The following SLC25A51 variants were observed in gnomAD, a reference collection of about 807,000 sequenced individuals.
SLC25A51 encodes solute carrier family 25 member 51.
In SLC25A51, 11 loss-of-function variants were observed where a neutral mutation model predicts 19.1. That is an observed-to-expected ratio of 0.58 (90% CI 0.36 to 0.96). SLC25A51 has a LOEUF of 0.96. SLC25A51 is among the 40% of genes least tolerant of loss of function. The pLI is 0.01. For missense variants in SLC25A51, 201 were observed against 365.4 expected, an observed-to-expected ratio of 0.55 and a Z score of 3.67; for synonymous variants, 105 against 133.6, an observed-to-expected ratio of 0.79 and a Z score of 1.47.
At chr9:37,885,614 C>T (rs1189136495), downstream of SLC25A51, 1 of 768,804 alleles carries the variant, frequency 1.3e-6, no homozygotes, top group Non-Finnish European at 2.3e-6. Context: ...TTTTTGGCAA[C>T]AATAATACGG....
chr9:37,884,965 A>G (rs1429353401), downstream of SLC25A51, among the ~76,000 whole-genome samples: 3 of 152,266 alleles, frequency 2.0e-5, no homozygotes, highest in African/African-American at 7.2e-5. Context: ...AAATAGAAAT[A>G]GTATAATGCC....
At chr9:37,886,092 G>A (rs1831449898), downstream of SLC25A51, 24 of 1,521,198 alleles carry the variant, frequency 1.6e-5, no homozygotes, top group South Asian at 2.5e-4. Context: ...GATGCTGGAC[G>A]CTATACTGAT....
downstream of SLC25A51, among the ~76,000 whole-genome samples, chr9:37,884,497 A>G (rs1254273295): frequency 6.6e-6 from 1 of 152,212 alleles, no homozygotes; most frequent in East Asian, 1.9e-4. Context: ...GACAGCTAAC[A>G]CTGTGAGGTG....
rs968683231 is a variant in SLC25A51 at position 37,899,379 on chromosome 9, A to AT, written c.-43+449dup. Among the ~76,000 whole-genome samples, 31 of 149,456 alleles carry AT rather than the reference A, an allele frequency of 2.1e-4. No homozygotes were observed. In the East Asian group the frequency reaches 3.7e-3, roughly 18 times the overall value. On this transcript the variant is annotated intron_variant, in intron 2 of 2. Transcript: ENST00000242275. ...ACTGTTCATAACAGATCATGTTGTC[A>AT]TTTTTTTTTTCTTCTTTTACAAGAC...
At chr9:37,903,988 G>C (rs1293915607) in intron 1 of SLC25A51, 80 bp downstream of exon 1, 2 of 152,474 alleles carry the variant, frequency 1.3e-5, no homozygotes, top group African/African-American at 4.8e-5. Context: ...CTGCCCCAGC[G>C]GGCCCTTCAG....
chr9:37,904,094 G>T lies in SLC25A51; in HGVS notation c.-191C>A, dbSNP rs1018280815. 2.6e-5 allele frequency: 4 copies of T among 152,350 alleles called. No individual in the cohort carries two copies. The highest frequency in any genetic ancestry group is 9.6e-5 in the African/African-American group (4 of 41,480). The allele number at this position is 152,350 out of a possible 1,614,324, so 9.4% of individuals were successfully genotyped here. A position where few individuals can be genotyped will look rare whatever the true frequency, so the allele number is the denominator to read the frequency against. ...CATCAGCGCCGGCGTCCCGCAGGAC[G>T]GCTAGCGAGCCGGGGCCCGCGCAGG... On this transcript the variant is annotated 5_prime_UTR_variant, in exon 1 of 3. Transcript: ENST00000242275.
intron 2 of SLC25A51, among the ~76,000 whole-genome samples, chr9:37,882,454 A>C (rs1831367479): frequency 6.6e-6 from 1 of 152,200 alleles, no homozygotes; most frequent in Non-Finnish European, 1.5e-5. Flanking sequence ...CAAGCTTGGG[A>C]ATTTCAGGTA....
At chr9:37,899,080 T>C (rs1184609690) in intron 2 of SLC25A51, among the ~76,000 whole-genome samples, 1 of 152,206 alleles carries the variant, frequency 6.6e-6, no homozygotes, top group Admixed American at 6.5e-5. Flanking sequence ...AACGTGGCTA[T>C]TAACTACCTC....
At chr9:37,899,213 T>C (rs1266030982) in intron 2 of SLC25A51, among the ~76,000 whole-genome samples, 4 of 152,228 alleles carry the variant, frequency 2.6e-5, no homozygotes, top group Non-Finnish European at 5.9e-5. Flanking sequence ...TTCTGACTTA[T>C]TCATTTGGTG....
chr9:37,903,417 C>T (rs935131735), intron 1 of SLC25A51: 1 of 152,244 alleles, frequency 6.6e-6, no homozygotes, highest in African/African-American at 2.4e-5. Context: ...TGGATGGAGA[C>T]TAACACCACC....
intron 2 of SLC25A51, among the ~76,000 whole-genome samples, chr9:37,897,346 T>C (rs1201472055): frequency 1.3e-5 from 2 of 152,106 alleles, no homozygotes; most frequent in African/African-American, 2.4e-5. Context: ...TGAGCCACTT[T>C]GCCCTGCCTG....
downstream of SLC25A51, among the ~76,000 whole-genome samples, chr9:37,887,178 G>A (rs374933946): frequency 8.4e-4 from 128 of 152,178 alleles, 5 homozygotes; most frequent in East Asian, 0.021. Flanking sequence ...TTAGCTGGGC[G>A]TGGTGGCGGG....
At chr9:37,893,809 TAGAGAAAAAA>T in intron 2 of SLC25A51, among the ~76,000 whole-genome samples, 1 of 151,986 alleles carries the variant, frequency 6.6e-6, no homozygotes, top group Non-Finnish European at 1.5e-5. Flanking sequence ...CCTACATGAA[TAGAGAAAAAA>T]AGCTGGAAAC....
downstream of SLC25A51, among the ~76,000 whole-genome samples, chr9:37,883,387 T>C (rs1233847187): frequency 6.6e-6 from 1 of 152,236 alleles, no homozygotes; most frequent in African/African-American, 2.4e-5. Flanking sequence ...AAATACTGAG[T>C]TAAAACCATT....
chr9:37,895,468 G>A (rs1053932388), intron 2 of SLC25A51, among the ~76,000 whole-genome samples: 2 of 151,274 alleles, frequency 1.3e-5, no homozygotes, highest in South Asian at 2.1e-4. Context: ...CCAAAGTGCT[G>A]GGATTGTAAG....
At chr9:37,883,932 CTGGAAGAAGGA>C (rs1831397016), downstream of SLC25A51, among the ~76,000 whole-genome samples, 2 of 152,184 alleles carry the variant, frequency 1.3e-5, no homozygotes, top group African/African-American at 2.4e-5. Context: ...TCCTTTACAG[CTGGAAGAAGGA>C]TGGTCACTGT....
At chr9:37,898,428 G>A (rs1439043979) in intron 2 of SLC25A51, among the ~76,000 whole-genome samples, 3 of 152,204 alleles carry the variant, frequency 2.0e-5, no homozygotes, top group Non-Finnish European at 4.4e-5. Context: ...GGTGGCGCAT[G>A]CCTGTAATCC....
chr9:37,890,923 T>A (rs536569053), intron 2 of SLC25A51, among the ~76,000 whole-genome samples: 27 of 152,282 alleles, frequency 1.8e-4, no homozygotes, highest in African/African-American at 5.8e-4. Context: ...ATTGCCAAGT[T>A]CCTTAAGTTT....
intron 2 of SLC25A51, among the ~76,000 whole-genome samples, chr9:37,894,492 A>G (rs1205230025): frequency 6.6e-6 from 1 of 151,814 alleles, no homozygotes; most frequent in South Asian, 2.1e-4. Context: ...ATGCCTGGCT[A>G]ATTTTTCTAT....
Sources: allele counts gnomAD v4.1 joint callset (sites outside exome capture counted in the v4.1 genomes callset), GRCh38; gene constraint gnomAD v4.1.1; transcripts MANE v1.5; gene names NCBI Gene and HGNC (gene_info 2026-07-23, HGNC 2026-07-21).